COBL: variants seen among roughly 807,000 people sequenced by gnomAD.
COBL encodes the protein protein cordon-bleu.
Under a neutral mutation model 98.8 loss-of-function variants are expected in COBL, and 51 were observed. That is an observed-to-expected ratio of 0.52 (90% CI 0.41 to 0.65). The LOEUF (loss-of-function observed/expected upper bound fraction) is 0.65, where lower values mean the gene tolerates loss of function less well. Ranked by LOEUF, COBL falls within the 30% of genes least tolerant of loss-of-function variation. COBL has a pLI of 0.00. For synonymous variants in COBL, 634 were observed against 651.7 expected, an observed-to-expected ratio of 0.97 and a Z score of 0.41; for missense variants, 1,617 against 1,617.5, an observed-to-expected ratio of 1.00 and a Z score of 0.01.
At chr7:51,299,903 A>C (rs1276220054) in intron 1 of COBL, among the ~76,000 whole-genome samples, 1 of 152,160 alleles carries the variant, frequency 6.6e-6, no homozygotes, top group Non-Finnish European at 1.5e-5. Flanking sequence ...TAAATATCGC[A>C]ACAACATTAA....
chr7:51,297,900 C>T (rs1284708019), intron 1 of COBL, among the ~76,000 whole-genome samples: 1 of 152,162 alleles, frequency 6.6e-6, no homozygotes, highest in Non-Finnish European at 1.5e-5. Context: ...AAAAGACAAT[C>T]AAGACCATAT....
intron 1 of COBL, among the ~76,000 whole-genome samples, chr7:51,299,423 G>C (rs1471092329): frequency 6.6e-6 from 1 of 152,198 alleles, no homozygotes; most frequent in Non-Finnish European, 1.5e-5. Flanking sequence ...TCTCCTATCT[G>C]TCTCTCTTTC....
At chr7:51,083,145 A>AG in intron 7 of COBL, 4 of 477,190 alleles carry the variant, frequency 8.4e-6, no homozygotes, top group East Asian at 8.0e-5. Context: ...GGAGGAGGGT[A>AG]GGGCGGGGGT....
intron 1 of COBL, among the ~76,000 whole-genome samples, chr7:51,242,847 C>A (rs1030524344): frequency 6.6e-6 from 1 of 152,146 alleles, no homozygotes; most frequent in African/African-American, 2.4e-5. Flanking sequence ...CGAATGCCAA[C>A]ATTATCACCT....
chr7:51,196,543 T>C (rs916686788), intron 2 of COBL, among the ~76,000 whole-genome samples: 1 of 150,732 alleles, frequency 6.6e-6, no homozygotes, highest in Admixed American at 6.6e-5. Flanking sequence ...GTCCTTCCTC[T>C]TTATTTATTT....
chr7:51,225,994 A>C (rs1794142171), intron 1 of COBL, among the ~76,000 whole-genome samples: 1 of 152,242 alleles, frequency 6.6e-6, no homozygotes, highest in South Asian at 2.1e-4. Context: ...GCGTCTCTGT[A>C]CTTTCCCAGA....
At position 51,027,954 on chromosome 7, in the gene COBL, C is replaced by G; in HGVS notation, c.3142G>C (p.Glu1048Gln). ...GACCCTCCTGGAGGGTGGGAAGGCTCGCCGTGGCCTGGGGCGCGCACAGAG... is the reference window on the plus strand; with the variant it reads ...GACCCTCCTGGAGGGTGGGAAGGCTGGCCGTGGCCTGGGGCGCGCACAGAG... Reference protein sequence around the residue: ...NGSVRAPGHGEPSHPPGGSGT... With the variant: ...NGSVRAPGHGQPSHPPGGSGT... Residue 1048 changes from glutamate (E) to glutamine (Q), a missense_variant, in exon 10 of 13, where the codon GAG becomes CAG. Physicochemically the swap from Glu to Gln is conservative, Grantham distance 29. Coordinates refer to ENST00000265136, the MANE Select transcript of COBL (RefSeq NM_015198.5). 1 of 1,611,288 alleles carries G rather than the reference C, an allele frequency of 6.2e-7. No individual in the cohort carries two copies. The highest frequency in any genetic ancestry group is 8.5e-7 in the Non-Finnish European group (1 of 1,178,460).
At chr7:51,253,272 G>A (rs1194544478) in intron 1 of COBL, among the ~76,000 whole-genome samples, 3 of 152,024 alleles carry the variant, frequency 2.0e-5, no homozygotes, top group African/African-American at 7.2e-5. Context: ...ATTTATTAAG[G>A]TGACATTCTC....
chr7:51,140,558 T>C (rs906044330), intron 5 of COBL, among the ~76,000 whole-genome samples: 1 of 152,236 alleles, frequency 6.6e-6, no homozygotes, highest in African/African-American at 2.4e-5. Context: ...TGTGCGTATA[T>C]ATATATGTAC....
chr7:51,138,129 G>A lies in COBL; in HGVS notation c.784-1798C>T, dbSNP rs73316836. 2.7e-3 allele frequency among the ~76,000 whole-genome samples: 409 copies of A among 152,292 alleles called. 6 individuals are homozygous for A. The highest frequency in any genetic ancestry group is 9.6e-3 in the African/African-American group (399 of 41,550). ...TTCCCTGCAGACACTGAATATCAAC[G>A]ATGCCCGATGCTTTGGCTATCAGGT... On this transcript the variant is annotated intron_variant, in intron 5 of 12. Coordinates refer to ENST00000265136, the MANE Select transcript of COBL (RefSeq NM_015198.5).
At chr7:51,125,637 C>T (rs1798124857) in intron 6 of COBL, among the ~76,000 whole-genome samples, 2 of 152,156 alleles carry the variant, frequency 1.3e-5, no homozygotes, top group African/African-American at 2.4e-5. Context: ...ACAGAGATGA[C>T]AGTCCCTATC....
intron 1 of COBL, among the ~76,000 whole-genome samples, chr7:51,284,129 C>CAAAA (rs71021763): frequency 2.1e-4 from 14 of 66,232 alleles, no homozygotes; most frequent in African/African-American, 2.6e-4. Context: ...ACCAAAAATA[C>CAAAA]AAAAAAAAAA....
intron 10 of COBL, among the ~76,000 whole-genome samples, chr7:51,026,937 G>A (rs1325031133): frequency 6.6e-6 from 1 of 152,154 alleles, no homozygotes; most frequent in Non-Finnish European, 1.5e-5. Flanking sequence ...TGTCAGCCGA[G>A]GCCTATAGGG....
At chr7:51,212,127 G>A (rs1792510636) in intron 2 of COBL, among the ~76,000 whole-genome samples, 1 of 151,992 alleles carries the variant, frequency 6.6e-6, no homozygotes, top group Non-Finnish European at 1.5e-5. Flanking sequence ...AGAGGTAAAT[G>A]TTATTTTTTT....
chr7:51,225,178 G>T (rs1159852774), intron 1 of COBL, among the ~76,000 whole-genome samples: 1 of 152,224 alleles, frequency 6.6e-6, no homozygotes, highest in African/African-American at 2.4e-5. Flanking sequence ...TCCTCTGCCT[G>T]TGAGTGGCTC....
intron 1 of COBL, among the ~76,000 whole-genome samples, chr7:51,262,446 T>C (rs1324589239): frequency 2.0e-5 from 3 of 152,112 alleles, no homozygotes; most frequent in African/African-American, 7.2e-5. Flanking sequence ...ATACAAACAG[T>C]TCCACAGCGA....
intron 1 of COBL, among the ~76,000 whole-genome samples, chr7:51,284,129 C>CAAAAAAAAAAAA (rs71021763): frequency 2.4e-4 from 16 of 66,222 alleles, no homozygotes; most frequent in South Asian, 7.0e-4. Flanking sequence ...ACCAAAAATA[C>CAAAAAAAAAAAA]AAAAAAAAAA....
In COBL at chr7:51,027,716, C is replaced by T. The variant is rs772715307; in HGVS notation, c.3380G>A (p.Arg1127His). The change falls in exon 10 of 13, where the codon CGC becomes CAC. Residue 1127 changes from arginine to histidine, a missense_variant. Transcript: ENST00000265136. ...CCCGGAAGCCGCCATCCTCACCTTG[C>T]GTAGTCTGTCCTTCCCTCCCGCAGA... Reference protein sequence around the residue: ...IHSAGGKDRLRKTAEHTGEGR... With the variant: ...IHSAGGKDRLHKTAEHTGEGR... 1.7e-5 allele frequency: 28 copies of T among 1,610,946 alleles called. No homozygotes were observed. Among genetic ancestry groups the T allele is most frequent in the Middle Eastern group, 1.7e-4 (1 of 6,040 alleles).
intron 4 of COBL, chr7:51,187,943 G>A: frequency 8.1e-7 from 1 of 1,232,448 alleles, no homozygotes; most frequent in Non-Finnish European, 1.0e-6. Context: ...CTCGGACTGA[G>A]TTTTGCTCAG....
Sources: gnomAD v4.1 joint callset for allele counts (sites outside exome capture counted in the v4.1 genomes callset) on GRCh38, gnomAD v4.1.1 for gene constraint, MANE v1.5 for transcripts, NCBI Gene and HGNC (gene_info 2026-07-23, HGNC 2026-07-21) for gene names.